Variants in STX17 observed in about 807,000 individuals in gnomAD.
STX17 encodes the protein syntaxin-17.
Under a neutral mutation model 35.9 loss-of-function variants are expected in STX17, and 29 were observed. The ratio of observed to expected loss-of-function variants is 0.81; its 90% CI spans 0.60 to 1.10. The LOEUF (loss-of-function observed/expected upper bound fraction) is 1.10. Among genes scored for constraint, STX17 ranks in the 50% least tolerant of loss-of-function variants. The pLI is 0.00. For synonymous variants in STX17, 92 were observed against 118.3 expected (o/e 0.78, Z 1.44); for missense variants, 312 against 352.3 (o/e 0.89, Z 0.92).
Position 99,971,950 on chromosome 9 carries a change from A to G in STX17, c.*3277A>G, listed in dbSNP as rs1252066142. On this transcript the variant is annotated 3_prime_UTR_variant, in exon 8 of 8. Coordinates refer to ENST00000259400, the MANE Select transcript of STX17 (RefSeq NM_017919.3). ...TGAAGTGGGAGGATCACTTGAACTC[A>G]GGAGCAGCCTTGGTGACAGAACAAG... 6.6e-6 allele frequency among the ~76,000 whole-genome samples: 1 copy of G among 152,236 alleles called. No individual in the cohort carries two copies. Among genetic ancestry groups the G allele is most frequent in the African/African-American group, 2.4e-5 (1 of 41,452 alleles).
Position 99,973,311 on chromosome 9 carries a change from G to GA in STX17, c.*4644dup, listed in dbSNP as rs977755516. ...GGCTAGGATTATAACCAGGGTCTAG[G>GA]AAAAAATCCTGAAGGTGATTTAACT... On this transcript the variant is annotated 3_prime_UTR_variant, in exon 8 of 8. Transcript: ENST00000259400. Among the ~76,000 whole-genome samples the GA allele has an allele frequency of 6.6e-6, 1 of 152,146 alleles. No individual in the cohort carries two copies. Among genetic ancestry groups the GA allele is most frequent in the Non-Finnish European group, 1.5e-5 (1 of 68,014 alleles).
At chr9:99,928,722 G>A in intron 2 of STX17, 56 bp from the exon 3 acceptor site, 1 of 1,510,200 alleles carries the variant, frequency 6.6e-7, no homozygotes, top group South Asian at 1.1e-5. Context: ...TGTGGTAATG[G>A]GAAATAACCC....
chr9:99,914,824 T>A (rs1333329188), intron 1 of STX17, among the ~76,000 whole-genome samples: 1 of 152,196 alleles, frequency 6.6e-6, no homozygotes, highest in African/African-American at 2.4e-5. Context: ...TCCTAGCTTT[T>A]TTAAAAGTAT....
Position 99,973,241 on chromosome 9 carries a change from C to G in STX17, c.*4568C>G, listed in dbSNP as rs1830048951. The stretch of plus-strand genomic sequence containing the variant: ...AAAAAAAAAAACCCATAAAAAGTGT[C>G]AAAGGCAAATAATTTGCTCTAGATC... On this transcript the variant is annotated 3_prime_UTR_variant, in exon 8 of 8. Transcript: ENST00000259400. 6.6e-6 allele frequency among the ~76,000 whole-genome samples: 1 copy of G among 151,162 alleles called. No individual in the cohort carries two copies. Among genetic ancestry groups the G allele is most frequent in the South Asian group, 2.1e-4 (1 of 4,782 alleles).
chr9:99,910,191 C>A (rs1167984218), intron 1 of STX17, among the ~76,000 whole-genome samples: 1 of 151,664 alleles, frequency 6.6e-6, no homozygotes, highest in Non-Finnish European at 1.5e-5. Flanking sequence ...TGAGATCGCA[C>A]CACTTCACTC....
rs1189494412 is a variant in STX17 at position 99,972,382 on chromosome 9, C to T, written c.*3709C>T. Reference sequence around the variant, plus strand: ...AAATCATGTACTTACTGTAGTGATGCTAGTATTAATATTACTTAGACCAAT... The same window carrying T: ...AAATCATGTACTTACTGTAGTGATGTTAGTATTAATATTACTTAGACCAAT... On this transcript the variant is annotated 3_prime_UTR_variant, in exon 8 of 8. Coordinates refer to ENST00000259400, the MANE Select transcript of STX17 (RefSeq NM_017919.3). 6.6e-6 allele frequency among the ~76,000 whole-genome samples: 1 copy of T among 152,162 alleles called. No homozygotes were observed. Among genetic ancestry groups the T allele is most frequent in the Non-Finnish European group, 1.5e-5 (1 of 68,012 alleles).
intron 2 of STX17, among the ~76,000 whole-genome samples, chr9:99,921,307 A>G (rs1025772063): frequency 3.3e-5 from 5 of 152,210 alleles, no homozygotes; most frequent in Admixed American, 2.6e-4. Context: ...AATCAATTAA[A>G]TGAATTCCAT....
intron 1 of STX17, among the ~76,000 whole-genome samples, chr9:99,908,480 T>C (rs558966249): frequency 1.3e-5 from 2 of 152,368 alleles, no homozygotes; most frequent in Non-Finnish European, 1.5e-5. Flanking sequence ...TTTGTATCCA[T>C]GTGGACTTAG....
intron 3 of STX17, among the ~76,000 whole-genome samples, chr9:99,930,242 G>C (rs1169710859): frequency 1.3e-5 from 2 of 151,038 alleles, no homozygotes; most frequent in African/African-American, 2.4e-5. Flanking sequence ...AAATATGTCA[G>C]TTCCATTCTT....
chr9:99,909,900 T>G (rs1410860856), intron 1 of STX17, among the ~76,000 whole-genome samples: 7 of 152,058 alleles, frequency 4.6e-5, no homozygotes, highest in Non-Finnish European at 8.8e-5. Flanking sequence ...AATATATACC[T>G]ACTACTAATA....
intron 3 of STX17, among the ~76,000 whole-genome samples, chr9:99,933,595 T>A (rs1354816374): frequency 6.6e-6 from 1 of 152,106 alleles, no homozygotes; most frequent in East Asian, 1.9e-4. Context: ...ATCTTTATAG[T>A]TTTTTGCGTA....
intron 2 of STX17, among the ~76,000 whole-genome samples, chr9:99,916,541 G>A (rs1230931022): frequency 6.6e-6 from 1 of 151,784 alleles, no homozygotes; most frequent in Admixed American, 6.6e-5. Context: ...CAACTCAGTA[G>A]CATATAGAAG....
chr9:99,958,473 T>C (rs1477341387), intron 4 of STX17, among the ~76,000 whole-genome samples: 1 of 152,258 alleles, frequency 6.6e-6, no homozygotes, highest in Non-Finnish European at 1.5e-5. Flanking sequence ...AACTAATTTA[T>C]TGAGCACTTG....
chr9:99,910,857 A>T (rs751864762), intron 1 of STX17, among the ~76,000 whole-genome samples: 1 of 151,530 alleles, frequency 6.6e-6, no homozygotes, highest in East Asian at 1.9e-4. Flanking sequence ...TCTACTCTCT[A>T]CCTCCAGGAG....
At chr9:99,954,597 A>G (rs758361065) in intron 4 of STX17, among the ~76,000 whole-genome samples, 4 of 151,986 alleles carry the variant, frequency 2.6e-5, no homozygotes, top group African/African-American at 9.7e-5. Context: ...TTTTTATTCT[A>G]TGCTCTCCAG....
chr9:99,934,536 T>C (rs751329566), intron 3 of STX17, among the ~76,000 whole-genome samples: 1 of 152,162 alleles, frequency 6.6e-6, no homozygotes, highest in Non-Finnish European at 1.5e-5. Context: ...GTATAGTAGT[T>C]AGGTAATGAA....
intron 3 of STX17, among the ~76,000 whole-genome samples, chr9:99,937,584 C>A (rs1328851053): frequency 1.3e-5 from 2 of 152,152 alleles, no homozygotes; most frequent in Non-Finnish European, 2.9e-5. Flanking sequence ...TTTTCCCCTC[C>A]AGAATTTTGA....
chr9:99,928,936 T>C, intron 3 of STX17, 93 bp downstream of exon 3: 1 of 1,047,236 alleles, frequency 9.5e-7, no homozygotes, highest in Non-Finnish European at 1.4e-6. Context: ...CTGAACCCTT[T>C]TATACACATT....
intron 2 of STX17, among the ~76,000 whole-genome samples, chr9:99,920,682 G>A (rs1828868417): frequency 6.6e-6 from 1 of 152,152 alleles, no homozygotes; most frequent in African/African-American, 2.4e-5. Flanking sequence ...TGTAAAAGTA[G>A]TGCTGTTTAG....
Sources: gnomAD v4.1 joint callset for allele counts (sites outside exome capture counted in the v4.1 genomes callset) on GRCh38, gnomAD v4.1.1 for gene constraint, MANE v1.5 for transcripts, NCBI Gene and HGNC (gene_info 2026-07-23, HGNC 2026-07-21) for gene names.